The following CD276 variants were observed in gnomAD, a reference collection of about 807,000 sequenced individuals.
CD276 encodes CD276 molecule.
A neutral mutation model predicts 50.0 loss-of-function variants in CD276; 34 were observed. The observed-to-expected ratio is 0.68, with a 90% CI of 0.52 to 0.91. The LOEUF (loss-of-function observed/expected upper bound fraction) is 0.91, where lower values mean the gene tolerates loss of function less well. Ranked by LOEUF, CD276 falls within the 40% of genes least tolerant of loss-of-function variation. The probability of loss-of-function intolerance (pLI) is 0.00; values close to 1 mark genes in which losing one functional copy is unlikely to be tolerated. For missense variants in CD276, 634 were observed against 717.5 expected (o/e 0.88, Z 1.33); for synonymous variants, 275 against 313.0 (o/e 0.88, Z 1.28).
intron 2 of CD276, among the ~76,000 whole-genome samples, chr15:73,699,994 C>G (rs936699220): frequency 2.6e-5 from 4 of 152,160 alleles, no homozygotes; most frequent in Non-Finnish European, 5.9e-5. Flanking sequence ...TTGCTCTTTC[C>G]TCTGCCTGGA....
rs769865072 is a variant in CD276, at chr15:73,702,257, G to T, written c.82G>T (p.Ala28Ser). The T allele has an allele frequency of 2.5e-6, 4 of 1,605,614 alleles. No individual in the cohort carries two copies. In the South Asian group the frequency reaches 3.3e-5, roughly 13 times the overall value. ...TTCTCCACTCCCCCTACCCCCAGGA[G>T]CCCTGGAGGTCCAGGTCCCTGAAGA... ...LGALWFCLTG[A>S]LEVQVPEDPV... Residue 28 changes from alanine to serine, a missense_variant and splice_region_variant, in exon 3 of 10, where the codon GCC becomes TCC. By Grantham distance (99) the Ala-to-Ser change is moderately conservative (BLOSUM62 1). Coordinates refer to ENST00000318443, the MANE Select transcript of CD276 (RefSeq NM_001024736.2).
chr15:73,707,577 T>C (rs1172639317), intron 6 of CD276, among the ~76,000 whole-genome samples: 1 of 152,212 alleles, frequency 6.6e-6, no homozygotes, highest in African/African-American at 2.4e-5. Flanking sequence ...TCAGCGAACA[T>C]TTTCTGTAAA....
chr15:73,702,214 C>G (rs1345260508), intron 2 of CD276, 41 bp from the exon 3 acceptor site: 1 of 1,495,292 alleles, frequency 6.7e-7, no homozygotes, highest in East Asian at 2.4e-5. Flanking sequence ...CCCACCCCTC[C>G]TCAGTCCCCC....
intron 6 of CD276, among the ~76,000 whole-genome samples, chr15:73,705,761 G>T (rs1371155250): frequency 6.6e-6 from 1 of 152,030 alleles, no homozygotes; most frequent in Non-Finnish European, 1.5e-5. Flanking sequence ...CACCTCCAGG[G>T]GCAAATGGGA....
At chr15:73,696,922 G>A (rs189049026) in intron 1 of CD276, among the ~76,000 whole-genome samples, 7 of 152,230 alleles carry the variant, frequency 4.6e-5, no homozygotes, top group Admixed American at 4.6e-4. Flanking sequence ...TGATGGGTCA[G>A]GGTGGGAGAT....
chr15:73,708,305 A>G, intron 6 of CD276, 34 bp from the exon 7 acceptor site: 5 of 1,609,942 alleles, frequency 3.1e-6, no homozygotes, highest in South Asian at 1.1e-5. Flanking sequence ...GGGGCCAGGC[A>G]TGACAGTCTC....
intron 1 of CD276, chr15:73,685,137 G>C (rs1045310665): frequency 4.0e-5 from 6 of 148,584 alleles, no homozygotes; most frequent in Admixed American, 6.7e-5. Flanking sequence ...GGTGGGGAGG[G>C]AATTGGGATG....
intron 1 of CD276, among the ~76,000 whole-genome samples, chr15:73,690,122 C>T (rs1354892885): frequency 1.3e-5 from 2 of 152,374 alleles, no homozygotes; most frequent in East Asian, 1.9e-4. Flanking sequence ...ATACAAACAT[C>T]CATCCATCCA....
chr15:73,696,256 C>T (rs1900170243), intron 1 of CD276, among the ~76,000 whole-genome samples: 1 of 151,824 alleles, frequency 6.6e-6, no homozygotes, highest in African/African-American at 2.4e-5. Context: ...GATGAGATTC[C>T]CCTTTGTGGA....
intron 1 of CD276, among the ~76,000 whole-genome samples, chr15:73,696,507 G>A (rs868049018): frequency 6.6e-6 from 1 of 151,830 alleles, no homozygotes; most frequent in Non-Finnish European, 1.5e-5. Flanking sequence ...CTGTCAAACT[G>A]CTTCTCTCCA....
Position 73,704,243 on chromosome 15 carries a change from C to T in CD276, c.1140C>T (p.Thr380=), listed in dbSNP as rs776781918. 1.2e-6 allele frequency: 2 copies of T among 1,614,066 alleles called. No individual in the cohort carries two copies. The highest frequency in any genetic ancestry group is 2.7e-5 in the African/African-American group (2 of 74,938). The change falls in exon 6 of 10, where the codon ACC becomes ACT. Residue 380 remains threonine (T), a synonymous_variant. Transcript: ENST00000318443. The surrounding 1 kb of genome is among the most constrained non-coding windows in gnomAD (Gnocchi z 4.1). ...NKDLRPGDTV[T]ITCSSYRGYP... ...ACCTGCGGCCAGGGGACACGGTGACCATCACGTGCTCCAGCTACCGGGGCT... is the reference window on the plus strand; with the variant it reads ...ACCTGCGGCCAGGGGACACGGTGACTATCACGTGCTCCAGCTACCGGGGCT...
At position 73,708,770 on chromosome 15, in the gene CD276, C is replaced by T. The variant is rs150650185; in HGVS notation, c.1504+297C>T. 935 of 425,472 alleles carry T rather than the reference C, an allele frequency of 2.2e-3. 8 individuals carry two copies. Among genetic ancestry groups the T allele is most frequent in the African/African-American group, 0.018 (880 of 49,730 alleles). The allele number at this position is 425,472 out of a possible 1,614,324, so 26.4% of individuals were successfully genotyped here. A position where few individuals can be genotyped will look rare whatever the true frequency, so the allele number is the denominator to read the frequency against. The stretch of plus-strand genomic sequence containing the variant: ...GGATGAGTGTGTGCCAACAAGTGTG[C>T]CTGTGAAAGTGTAAGTCAGTCACGT... On this transcript the variant is annotated intron_variant, in intron 7 of 9. Transcript: ENST00000318443.
chr15:73,699,211 C>A (rs1300315085), intron 1 of CD276, among the ~76,000 whole-genome samples: 1 of 152,212 alleles, frequency 6.6e-6, no homozygotes, highest in Non-Finnish European at 1.5e-5. Context: ...GTCTGGCCCC[C>A]ACAGGAGCTC....
intron 1 of CD276, among the ~76,000 whole-genome samples, chr15:73,697,385 C>T (rs1482453577): frequency 6.0e-5 from 8 of 132,432 alleles, no homozygotes; most frequent in Admixed American, 4.7e-4. Flanking sequence ...TGGCGGGGGG[C>T]GGGTGTGCCT....
chr15:73,704,483 A>G lies in CD276; in HGVS notation c.1369+11A>G. On this transcript the variant is annotated intron_variant, in intron 6 of 9. Coordinates refer to ENST00000318443, the MANE Select transcript of CD276 (RefSeq NM_001024736.2). The surrounding 1 kb of genome is among the most constrained non-coding windows in gnomAD (Gnocchi z 4.1). ...CTGTCACCATCACAGGTAAGGGCAG[A>G]TGAACAGCTGGGGAAGGACGGAGCG... 1 of 1,609,058 alleles carries G rather than the reference A, an allele frequency of 6.2e-7. No individual in the cohort carries two copies. Among genetic ancestry groups the G allele is most frequent in the East Asian group, 2.2e-5 (1 of 44,758 alleles).
intron 1 of CD276, among the ~76,000 whole-genome samples, chr15:73,692,131 TCTC>T (rs1434390086): frequency 6.6e-6 from 1 of 152,080 alleles, no homozygotes; most frequent in African/African-American, 2.4e-5. Flanking sequence ...GCTGTGGACA[TCTC>T]CTCTTCTGTG....
At position 73,686,019 on chromosome 15, in the gene CD276, G is replaced by A. The variant is rs114730562; in HGVS notation, c.-55+1559G>A. ...ACCGTGGAAATTTACATACGTCACC[G>A]TCAGCTTACTGGAGTATCCTGATGT... On this transcript the variant is annotated intron_variant, in intron 1 of 9. Coordinates refer to ENST00000318443, the MANE Select transcript of CD276 (RefSeq NM_001024736.2). Among the ~76,000 whole-genome samples, 272 of 152,252 alleles carry A rather than the reference G, an allele frequency of 1.8e-3. 1 individual carries two copies. The highest frequency in any genetic ancestry group is 6.3e-3 in the African/African-American group (262 of 41,518).
At chr15:73,689,060 C>T (rs1226100125) in intron 1 of CD276, among the ~76,000 whole-genome samples, 2 of 152,160 alleles carry the variant, frequency 1.3e-5, no homozygotes, top group Non-Finnish European at 2.9e-5. Context: ...AATCTGCGCT[C>T]TGATGTGGTC....
At chr15:73,708,571 CA>C in intron 7 of CD276, 98 bp downstream of exon 7, 2 of 1,399,380 alleles carry the variant, frequency 1.4e-6, no homozygotes, top group Non-Finnish European at 1.9e-6. Flanking sequence ...TTTCTAGTGA[CA>C]GAACGAGTGT....
Sources: gnomAD v4.1 joint callset for allele counts (sites outside exome capture counted in the v4.1 genomes callset) on GRCh38, gnomAD v4.1.1 for gene constraint, Gnocchi (gnomAD v3.1) non-coding constraint, MANE v1.5 for transcripts, NCBI Gene and HGNC (gene_info 2026-07-23, HGNC 2026-07-21) for gene names.